ZNF107: variants seen among roughly 807,000 people sequenced by gnomAD.
ZNF107 encodes the protein C2H2 type zinc-finger protein.
A neutral mutation model predicts 12.3 loss-of-function variants in ZNF107; 19 were observed. That is an observed-to-expected ratio of 1.55 (90% CI 1.08 to 2.27). ZNF107 has a LOEUF of 2.27. ZNF107 is among the 30% of genes most tolerant of loss of function. The pLI is 0.00. For synonymous variants in ZNF107, 317 were observed against 330.5 expected (o/e 0.96, Z 0.44); for missense variants, 958 against 979.9 (o/e 0.98, Z 0.30).
intron 3 of ZNF107, among the ~76,000 whole-genome samples, chr7:64,695,484 G>T (rs1262711293): frequency 6.6e-6 from 1 of 152,076 alleles, no homozygotes; most frequent in African/African-American, 2.4e-5. Context: ...CCATATTAGT[G>T]TGGTTTTTCA....
At chr7:64,691,585 T>C (rs1021553757) in intron 2 of ZNF107, among the ~76,000 whole-genome samples, 6 of 152,212 alleles carry the variant, frequency 3.9e-5, no homozygotes, top group African/African-American at 1.4e-4. Flanking sequence ...AGCTAATCTG[T>C]ATTTTTCACT....
At position 64,707,208 on chromosome 7, in the gene ZNF107, T is replaced by TG. The variant is rs1790686283; in HGVS notation, c.1112dup (p.Cys371TrpfsTer2). On this transcript the variant is annotated frameshift_variant, in exon 4 of 4. Coordinates refer to ENST00000620827, the MANE Select transcript of ZNF107 (RefSeq NM_001282359.2). LOFTEE classifies it low-confidence loss of function (END_TRUNC). ...TCATACTGGAGGGAAACTCAACAAA[T>TG]GTGAAGAATGTGACAAAGCTTTTAA... is the stretch of plus-strand genomic sequence containing the variant. 6.2e-7 allele frequency: 1 copy of TG among 1,613,506 alleles called. No individual in the cohort carries two copies. Among genetic ancestry groups the TG allele is most frequent in the East Asian group, 2.2e-5 (1 of 44,820 alleles).
intron 1 of ZNF107, chr7:64,679,047 CT>C (rs1401532777): frequency 6.3e-6 from 1 of 159,584 alleles, no homozygotes; most frequent in African/African-American, 2.4e-5. Context: ...AAAGAGGAAC[CT>C]TACTTTGTGT....
intron 1 of ZNF107, chr7:64,687,683 T>A: frequency 3.9e-6 from 2 of 518,230 alleles, no homozygotes; most frequent in Non-Finnish European, 5.0e-6. Context: ...TATGATGAAC[T>A]ATGTATGACA....
chr7:64,700,450 G>A (rs904065934), intron 3 of ZNF107, among the ~76,000 whole-genome samples: 5 of 147,228 alleles, frequency 3.4e-5, no homozygotes, highest in African/African-American at 1.0e-4. Context: ...ACCAGAAGCA[G>A]ATGCTGGCAT....
rs902363411 is a variant in ZNF107, at chr7:64,710,557, AAAT to A, written c.*1905_*1907del. On this transcript the variant is annotated 3_prime_UTR_variant, in exon 4 of 4. Transcript: ENST00000620827. ...TAATTTAAAACTAAAGTTGGTAGGT[AAAT>A]AATGTGTATATAACTTTAAAAGAAG... 2.6e-4 allele frequency: 39 copies of A among 152,208 alleles called. No homozygotes were observed. Among genetic ancestry groups the A allele is most frequent in the African/African-American group, 8.4e-4 (35 of 41,464 alleles). 9.4% of individuals were successfully genotyped at this position (152,208 alleles called of 1,614,324 possible). A position where few individuals can be genotyped will look rare whatever the true frequency, so the allele number is the denominator to read the frequency against.
At chr7:64,688,949 A>G (rs1351874952) in intron 1 of ZNF107, among the ~76,000 whole-genome samples, 4 of 152,242 alleles carry the variant, frequency 2.6e-5, no homozygotes, top group African/African-American at 7.2e-5. Flanking sequence ...ACAACTTTGT[A>G]TCAGCCCACC....
chr7:64,667,065 A>C (rs578164903), intron 1 of ZNF107, among the ~76,000 whole-genome samples: 43 of 152,322 alleles, frequency 2.8e-4, no homozygotes, highest in South Asian at 1.4e-3. Context: ...GACTAGAGCC[A>C]CCTCAGTCTA....
intron 2 of ZNF107, 46 bp from the exon 3 acceptor site, chr7:64,691,819 G>GTCTCCAATTACT (rs1790128100): frequency 3.5e-6 from 4 of 1,130,990 alleles, no homozygotes; most frequent in Non-Finnish European, 4.6e-6. Flanking sequence ...AGTAATTGGA[G>GTCTCCAATTACT]AATATGATTA....
rs998448010 is a variant in ZNF107 at position 64,699,572 on chromosome 7, A to G, written c.227-6752A>G. ...CCTGAGTAGCTAGGACTACAGACAT[A>G]CTATGGGACCACCATGTCTGGATAA... On this transcript the variant is annotated intron_variant, in intron 3 of 3. Coordinates refer to ENST00000620827, the MANE Select transcript of ZNF107 (RefSeq NM_001282359.2). Among the ~76,000 whole-genome samples, 40 of 152,132 alleles carry G rather than the reference A, an allele frequency of 2.6e-4. 1 individual carries two copies. Among genetic ancestry groups the G allele is most frequent in the Non-Finnish European group, 4.4e-5 (3 of 68,030 alleles).
At chr7:64,698,378 T>A (rs1041072796) in intron 3 of ZNF107, among the ~76,000 whole-genome samples, 1 of 152,178 alleles carries the variant, frequency 6.6e-6, no homozygotes, top group African/African-American at 2.4e-5. Flanking sequence ...CTATTGAATG[T>A]TGTCTGTGAT....
chr7:64,685,074 C>G (rs181029903), intron 1 of ZNF107, among the ~76,000 whole-genome samples: 107 of 152,116 alleles, frequency 7.0e-4, no homozygotes, highest in Non-Finnish European at 1.2e-3. Context: ...AGTCATTGGC[C>G]AACTTCTCCA....
rs964490885 is a variant in ZNF107, at chr7:64,697,582, T to A, written c.226+5622T>A. Among the ~76,000 whole-genome samples, 2 of 152,360 alleles carry A rather than the reference T, an allele frequency of 1.3e-5. 1 individual carries two copies. Among genetic ancestry groups the A allele is most frequent in the South Asian group, 4.1e-4 (2 of 4,834 alleles). ...TGAATACTGGTACAATAAACATAGATGTTCAAATATGTCTTTCAGGTCCTG... is the reference window on the plus strand; with the variant it reads ...TGAATACTGGTACAATAAACATAGAAGTTCAAATATGTCTTTCAGGTCCTG... On this transcript the variant is annotated intron_variant, in intron 3 of 3. Coordinates refer to ENST00000620827, the MANE Select transcript of ZNF107 (RefSeq NM_001282359.2).
rs777340676 is a variant in ZNF107, at chr7:64,708,579, C to G, written c.2482C>G (p.Leu828Val). 1 of 1,612,214 alleles carries G rather than the reference C, an allele frequency of 6.2e-7. No homozygotes were observed. Among genetic ancestry groups the G allele is most frequent in the Non-Finnish European group, 8.5e-7 (1 of 1,179,124 alleles). The part of the protein sequence containing the change: ...KCGDYGRAFN[L>V]SSNLTTHKKI... ...TGGAGATTATGGCAGAGCTTTCAACCTATCCTCAAATCTTACTACACATAA... is the reference window on the plus strand; with the variant it reads ...TGGAGATTATGGCAGAGCTTTCAACGTATCCTCAAATCTTACTACACATAA... Residue 828 changes from leucine to valine, a missense_variant, in exon 4 of 4, where the codon CTA becomes GTA. Physicochemically the swap from Leu to Val is conservative, Grantham distance 32 (BLOSUM62 1). Transcript: ENST00000620827.
chr7:64,673,419 T>G (rs74492816), intron 1 of ZNF107, among the ~76,000 whole-genome samples: 3,051 of 152,340 alleles, frequency 0.02, 84 homozygotes, highest in East Asian at 0.14. Context: ...TTTGCCTACT[T>G]TTTAATAAGG....
intron 3 of ZNF107, among the ~76,000 whole-genome samples, chr7:64,695,238 T>G (rs890504924): frequency 6.6e-6 from 1 of 152,106 alleles, no homozygotes; most frequent in African/African-American, 2.4e-5. Flanking sequence ...TTATCTCCAC[T>G]TCCTTTTAAA....
chr7:64,700,724 G>C (rs13228839), intron 3 of ZNF107, among the ~76,000 whole-genome samples: 6 of 151,438 alleles, frequency 4.0e-5, no homozygotes, highest in African/African-American at 1.5e-4. Context: ...ATTTTTAGTA[G>C]AGATGGGGTT....
intron 1 of ZNF107, chr7:64,687,609 T>C: frequency 2.1e-6 from 2 of 974,958 alleles, no homozygotes; most frequent in Non-Finnish European, 2.4e-6. Context: ...GTGAAAAGTG[T>C]ATTTTGTCAT....
intron 1 of ZNF107, chr7:64,684,755 A>T: frequency 3.1e-6 from 3 of 981,144 alleles, no homozygotes; most frequent in Non-Finnish European, 3.6e-6. Flanking sequence ...ACTCTGTATA[A>T]CTTCTTCCCA....
Sources: gnomAD v4.1 joint callset for allele counts (sites outside exome capture counted in the v4.1 genomes callset) on GRCh38, gnomAD v4.1.1 for gene constraint, MANE v1.5 for transcripts, NCBI Gene and HGNC (gene_info 2026-07-23, HGNC 2026-07-21) for gene names.